The following MSTO1 variants were observed in gnomAD, a reference collection of about 807,000 sequenced individuals.
MSTO1 encodes protein misato homolog 1.
In MSTO1, 24 loss-of-function variants were observed where a neutral mutation model predicts 55.7. The ratio of observed to expected loss-of-function variants is 0.43; its 90% CI spans 0.31 to 0.61. The LOEUF is 0.61. MSTO1 is among the 20% of genes least tolerant of loss of function. MSTO1 has a pLI of 0.09. For missense variants in MSTO1, 363 were observed against 625.7 expected (o/e 0.58, Z 4.48); for synonymous variants, 162 against 252.8 (o/e 0.64, Z 3.41).
chr1:155,596,670 C>CA, the MSTO1 span, among the ~76,000 whole-genome samples: 2 of 152,070 alleles, frequency 1.3e-5, no homozygotes, highest in South Asian at 2.1e-4. Flanking sequence ...GCCTGTAGTC[C>CA]AAGCTACTCA....
At chr1:155,592,874 G>T in the MSTO1 span, among the ~76,000 whole-genome samples, 2 of 151,448 alleles carry the variant, frequency 1.3e-5, no homozygotes, top group African/African-American at 4.9e-5. Context: ...AAATGGTTCA[G>T]AGGTTTCTGT....
chr1:155,573,787 G>A, the MSTO1 span, among the ~76,000 whole-genome samples: 1 of 146,994 alleles, frequency 6.8e-6, no homozygotes, highest in East Asian at 2.0e-4. Flanking sequence ...ACAGTGAGCC[G>A]AGATCACGCT....
At chr1:155,567,682 C>A in the MSTO1 span, among the ~76,000 whole-genome samples, 1 of 151,844 alleles carries the variant, frequency 6.6e-6, no homozygotes, top group African/African-American at 2.4e-5. Flanking sequence ...GTGATCCACC[C>A]GTCTTGGCCT....
At chr1:155,591,356 T>C in the MSTO1 span, 1 of 987,032 alleles carries the variant, frequency 1.0e-6, no homozygotes, top group Non-Finnish European at 1.5e-6. Flanking sequence ...ATCTTCTAGA[T>C]TGGCCCACAA....
At chr1:155,576,577 A>G in the MSTO1 span, among the ~76,000 whole-genome samples, 1 of 149,652 alleles carries the variant, frequency 6.7e-6, no homozygotes, top group Non-Finnish European at 1.5e-5. Flanking sequence ...CGCCCACCTC[A>G]GCCTCCCAAA....
the MSTO1 span, among the ~76,000 whole-genome samples, chr1:155,597,076 C>T: frequency 6.6e-6 from 1 of 152,034 alleles, no homozygotes; most frequent in African/African-American, 2.4e-5. Flanking sequence ...TACCGCACTC[C>T]AGCCTGGGCA....
the MSTO1 span, among the ~76,000 whole-genome samples, chr1:155,592,017 T>G: frequency 6.6e-6 from 1 of 152,138 alleles, no homozygotes; most frequent in East Asian, 1.9e-4. Flanking sequence ...GAATAGTTTG[T>G]TTTCCACTCT....
the MSTO1 span, among the ~76,000 whole-genome samples, chr1:155,591,752 TGCACTCCA>T: frequency 6.6e-6 from 1 of 151,338 alleles, no homozygotes; most frequent in Non-Finnish European, 1.5e-5. Flanking sequence ...ATCACACCAT[TGCACTCCA>T]GCCTGGGCAA....
chr1:155,611,161 C>T (rs1253458918), intron 3 of MSTO1, 53 bp downstream of exon 3: 1 of 1,480,228 alleles, frequency 6.8e-7, no homozygotes. Context: ...ACGCAGAACG[C>T]TGGATAACTC....
chr1:155,606,312 G>T (rs1672934686), upstream of MSTO1, among the ~76,000 whole-genome samples: 1 of 145,656 alleles, frequency 6.9e-6, no homozygotes, highest in South Asian at 2.2e-4. Flanking sequence ...GCCTGCCTCA[G>T]CCTCCCAAAA....
Position 155,612,193 on chromosome 1 carries a change from C to T in MSTO1, c.690C>T (p.Ile230=). ...TCACCCCCGTCCAGGGCTTCCAGAT[C>T]CTGTGTGACCTGCACGATGGCTTCT... is the stretch of plus-strand genomic sequence containing the variant. ...EECDYLQGFQ[I]LCDLHDGFSG... Residue 230 remains isoleucine, a synonymous_variant, in exon 8 of 14, where the codon ATC becomes ATT. Transcript: ENST00000245564. 6.2e-7 allele frequency: 1 copy of T among 1,613,796 alleles called. No homozygotes were observed. Among genetic ancestry groups the T allele is most frequent in the Non-Finnish European group, 8.5e-7 (1 of 1,179,814 alleles).
the MSTO1 span, among the ~76,000 whole-genome samples, chr1:155,582,413 T>G: frequency 6.6e-6 from 1 of 152,178 alleles, no homozygotes; most frequent in South Asian, 2.1e-4. Context: ...CATTCCTCTC[T>G]TTTGTGTTGA....
the MSTO1 span, among the ~76,000 whole-genome samples, chr1:155,569,495 T>C: frequency 7.2e-6 from 1 of 139,514 alleles, no homozygotes; most frequent in Admixed American, 7.7e-5. Context: ...TGGAGTGCAA[T>C]GGCGCAATCT....
chr1:155,605,036 G>A, the MSTO1 span, among the ~76,000 whole-genome samples: 18 of 152,126 alleles, frequency 1.2e-4, no homozygotes, highest in Admixed American at 6.6e-4. Context: ...TGAGGCAGGC[G>A]GATCACCTGA....
the MSTO1 span, among the ~76,000 whole-genome samples, chr1:155,592,093 AGTGT>A: frequency 6.6e-6 from 1 of 152,188 alleles, no homozygotes; most frequent in African/African-American, 2.4e-5. Flanking sequence ...AAGTAGTACT[AGTGT>A]GTGTTATTCA....
chr1:155,581,207 C>G, the MSTO1 span, among the ~76,000 whole-genome samples: 1 of 151,984 alleles, frequency 6.6e-6, no homozygotes, highest in Non-Finnish European at 1.5e-5. Context: ...TCAAGTGATC[C>G]TTATACCTCG....
At chr1:155,595,610 C>T in the MSTO1 span, among the ~76,000 whole-genome samples, 2 of 152,012 alleles carry the variant, frequency 1.3e-5, no homozygotes, top group Non-Finnish European at 2.9e-5. Flanking sequence ...GCTTCAGCCT[C>T]CCAAGTAGCT....
chr1:155,574,906 T>TG, the MSTO1 span, among the ~76,000 whole-genome samples: 1 of 150,322 alleles, frequency 6.7e-6, no homozygotes, highest in Non-Finnish European at 1.5e-5. Context: ...AGTCTCCTGT[T>TG]GCCAGGTTGG....
Position 155,612,892 on chromosome 1 carries a change from A to G in MSTO1, c.1015A>G (p.Thr339Ala), listed in dbSNP as rs1674586708. 28 of 1,613,764 alleles carry G rather than the reference A, an allele frequency of 1.7e-5. No individual in the cohort carries two copies. The highest frequency in any genetic ancestry group is 2.3e-5 in the Non-Finnish European group (27 of 1,179,810). Reference sequence around the variant, plus strand: ...TGCCATCCTGGCTACAGCCCTGGACACAGTCACTGTTCCTTATCGCCTGTG... The same window carrying G: ...TGCCATCCTGGCTACAGCCCTGGACGCAGTCACTGTTCCTTATCGCCTGTG... ...CSAILATALD[T>A]VTVPYRLCSS... Residue 339 changes from threonine (T) to alanine (A), a missense_variant, in exon 10 of 14, where the codon ACA (threonine) becomes GCA (alanine). Thr to Ala is a moderately conservative substitution (Grantham distance 58, BLOSUM62 0). Coordinates refer to ENST00000245564, the MANE Select transcript of MSTO1 (RefSeq NM_018116.4).
Sources: allele counts gnomAD v4.1 joint callset (sites outside exome capture counted in the v4.1 genomes callset), GRCh38; gene constraint gnomAD v4.1.1; transcripts MANE v1.5; gene names NCBI Gene and HGNC (gene_info 2026-07-23, HGNC 2026-07-21).